ANO2: variants seen among roughly 807,000 people sequenced by gnomAD.
ANO2 encodes the protein anoctamin-2.
Under a neutral mutation model 124.2 loss-of-function variants are expected in ANO2, and 101 were observed. The observed-to-expected ratio is 0.81, with a 90% CI of 0.69 to 0.96. ANO2 has a LOEUF of 0.96. Among genes scored for constraint, ANO2 ranks in the 40% least tolerant of loss-of-function variants. The pLI, the probability that ANO2 is intolerant of heterozygous loss-of-function variation, is 0.00. For synonymous variants in ANO2, 486 were observed against 482.5 expected (o/e 1.01, Z -0.09); for missense variants, 1,293 against 1,274.5 (o/e 1.01, Z -0.22).
intron 10 of ANO2, among the ~76,000 whole-genome samples, chr12:5,758,537 G>A (rs1469686684): frequency 6.6e-6 from 1 of 152,200 alleles, no homozygotes; most frequent in African/African-American, 2.4e-5. Flanking sequence ...ATACCCCATT[G>A]TGGCACAGGC....
intron 10 of ANO2, among the ~76,000 whole-genome samples, chr12:5,797,963 T>C: frequency 6.6e-6 from 1 of 152,052 alleles, no homozygotes; most frequent in South Asian, 2.1e-4. Flanking sequence ...ACCGAGTGCA[T>C]ATTGGAGCCA....
chr12:5,933,478 G>C (rs1942516964), intron 1 of ANO2, among the ~76,000 whole-genome samples: 1 of 152,200 alleles, frequency 6.6e-6, no homozygotes, highest in South Asian at 2.1e-4. Flanking sequence ...TGAGGTGCCA[G>C]GAGAAGGATG....
At chr12:5,869,230 AC>A (rs1257650605) in intron 3 of ANO2, among the ~76,000 whole-genome samples, 3 of 151,838 alleles carry the variant, frequency 2.0e-5, no homozygotes, top group Admixed American at 1.3e-4. Flanking sequence ...TCCGAGTAGC[AC>A]CTCCTCCAAG....
intron 3 of ANO2, among the ~76,000 whole-genome samples, chr12:5,919,865 T>C (rs1591792709): frequency 1.3e-5 from 2 of 152,084 alleles, no homozygotes; most frequent in South Asian, 4.2e-4. Context: ...GCCCAGCTAA[T>C]TTTTTGTGTA....
At chr12:5,865,156 C>A (rs1955381713) in intron 3 of ANO2, among the ~76,000 whole-genome samples, 1 of 152,188 alleles carries the variant, frequency 6.6e-6, no homozygotes, top group South Asian at 2.1e-4. Flanking sequence ...CTTAAAGAAT[C>A]TTTACACTAT....
Position 5,769,614 on chromosome 12 carries a change from C to T in ANO2, c.1056-18644G>A, listed in dbSNP as rs1215671058. 6.6e-6 allele frequency among the ~76,000 whole-genome samples: 1 copy of T among 152,200 alleles called. No homozygotes were observed. Among genetic ancestry groups the T allele is most frequent in the African/African-American group, 2.4e-5 (1 of 41,440 alleles). The stretch of plus-strand genomic sequence containing the variant: ...TCCTGATTCCAGGTCTCCCTACCTA[C>T]CTGTACATTCCTATCCGTGGGTGGT... On this transcript the variant is annotated intron_variant, in intron 10 of 24. Coordinates refer to ENST00000682330, the MANE Select transcript of ANO2 (RefSeq NM_001364791.2). The surrounding 1 kb of genome is among the most constrained non-coding windows in gnomAD (Gnocchi z 4.0).
intron 14 of ANO2, among the ~76,000 whole-genome samples, chr12:5,697,831 C>T (rs947679722): frequency 6.6e-6 from 1 of 152,208 alleles, no homozygotes; most frequent in African/African-American, 2.4e-5. Context: ...CTCGGAGGGT[C>T]CCACGCCCAT....
chr12:5,881,212 T>A (rs1252311087), intron 3 of ANO2, among the ~76,000 whole-genome samples: 1 of 152,162 alleles, frequency 6.6e-6, no homozygotes, highest in African/African-American at 2.4e-5. Flanking sequence ...TATCCCCCTC[T>A]CTGTGGCAGA....
At chr12:5,899,858 C>T (rs12301367) in intron 3 of ANO2, among the ~76,000 whole-genome samples, 16,404 of 152,178 alleles carry the variant, frequency 0.11, 2,022 homozygotes, top group African/African-American at 0.3. Flanking sequence ...TGGGTGTGTG[C>T]GCTTTTCCCA....
At position 5,610,137 on chromosome 12, in the gene ANO2, T is replaced by C. The variant is rs1459301276; in HGVS notation, c.2087+2519A>G. ...TTTAAGTATATATTACACATACTTATATAAATATATTTATATATACAAATT... is the reference window on the plus strand; with the variant it reads ...TTTAAGTATATATTACACATACTTACATAAATATATTTATATATACAAATT... On this transcript the variant is annotated intron_variant, in intron 19 of 24. Transcript: ENST00000682330. 8.3e-5 allele frequency among the ~76,000 whole-genome samples: 11 copies of C among 131,988 alleles called. No individual in the cohort carries two copies. In the South Asian group the frequency reaches 1.1e-3, roughly 14 times the overall value. 86.6% of individuals were successfully genotyped at this position (131,988 alleles called of 152,430 possible).
intron 19 of ANO2, among the ~76,000 whole-genome samples, chr12:5,602,936 C>T (rs766805005): frequency 7.2e-4 from 110 of 152,186 alleles, no homozygotes; most frequent in Middle Eastern, 6.8e-3. Flanking sequence ...AAAGTATAGA[C>T]GAAAGTCAAA....
chr12:5,601,101 T>A (rs1469092168), intron 19 of ANO2, among the ~76,000 whole-genome samples: 7 of 152,210 alleles, frequency 4.6e-5, no homozygotes, highest in Non-Finnish European at 1.0e-4. Context: ...CAACTATATG[T>A]CCATGGGCAA....
chr12:5,644,061 G>C (rs1946515349), intron 15 of ANO2, among the ~76,000 whole-genome samples: 1 of 152,112 alleles, frequency 6.6e-6, no homozygotes, highest in Non-Finnish European at 1.5e-5. Flanking sequence ...TATTATGGTT[G>C]TGCTTTTTGT....
At chr12:5,876,064 A>G (rs1024940890) in intron 3 of ANO2, among the ~76,000 whole-genome samples, 1 of 152,196 alleles carries the variant, frequency 6.6e-6, no homozygotes, top group Admixed American at 6.5e-5. Flanking sequence ...TGTGGTGCCA[A>G]GGGGCAGGGC....
intron 13 of ANO2, among the ~76,000 whole-genome samples, chr12:5,733,667 G>A (rs1950738122): frequency 6.6e-6 from 1 of 152,218 alleles, no homozygotes; most frequent in African/African-American, 2.4e-5. Flanking sequence ...TGATGCAGGA[G>A]AGGACAGACC....
chr12:5,626,345 C>G (rs1945404088), intron 16 of ANO2, among the ~76,000 whole-genome samples: 1 of 152,078 alleles, frequency 6.6e-6, no homozygotes, highest in Admixed American at 6.5e-5. Flanking sequence ...CATATGTGTC[C>G]TAGAAACAGG....
rs1955008316 is a variant in ANO2 at position 5,853,983 on chromosome 12, A to G, written c.633+60T>C. ...CACATCCCACCTGGCCCTATTCCCA[A>G]ATTATTTGCATCCATCCAGCCCTCA... On this transcript the variant is annotated intron_variant, in intron 4 of 24. Coordinates refer to ENST00000682330, the MANE Select transcript of ANO2 (RefSeq NM_001364791.2). 9 of 1,429,318 alleles carry G rather than the reference A, an allele frequency of 6.3e-6. No individual in the cohort carries two copies. In the Admixed American group the frequency reaches 1.6e-4, roughly 26 times the overall value. The allele number at this position is 1,429,318 out of a possible 1,614,324, so 88.5% of individuals were successfully genotyped here.
chr12:5,865,223 A>C (rs1306847166), intron 3 of ANO2, among the ~76,000 whole-genome samples: 1 of 152,208 alleles, frequency 6.6e-6, no homozygotes, highest in Non-Finnish European at 1.5e-5. Flanking sequence ...TTATTGGGCA[A>C]CGACTGTGTG....
At chr12:5,786,718 A>C (rs796680818) in intron 10 of ANO2, among the ~76,000 whole-genome samples, 1 of 152,156 alleles carries the variant, frequency 6.6e-6, no homozygotes. Flanking sequence ...TGCATGTCTC[A>C]TCAACACAGT....
Sources: gnomAD v4.1 joint callset for allele counts (sites outside exome capture counted in the v4.1 genomes callset) on GRCh38, gnomAD v4.1.1 for gene constraint, Gnocchi (gnomAD v3.1) non-coding constraint, MANE v1.5 for transcripts, NCBI Gene and HGNC (gene_info 2026-07-23, HGNC 2026-07-21) for gene names.